YBX1: variants seen among roughly 807,000 people sequenced by gnomAD.
YBX1 encodes the protein Y-box binding protein 1.
Under a neutral mutation model 41.4 loss-of-function variants are expected in YBX1, and 3 were observed. The observed-to-expected ratio is 0.07, with a 90% CI of 0.03 to 0.19. YBX1 has a LOEUF of 0.19. Among genes scored for constraint, YBX1 ranks in the 10% least tolerant of loss-of-function variants. The pLI is 1.00. For synonymous variants in YBX1, 133 were observed against 165.8 expected, an observed-to-expected ratio of 0.80 and a Z score of 1.52; for missense variants, 274 against 462.8, an observed-to-expected ratio of 0.59 and a Z score of 3.74.
intron 3 of YBX1, 103 bp downstream of exon 3, chr1:42,693,626 C>A (rs567412164): frequency 5.7e-6 from 7 of 1,225,056 alleles, no homozygotes; most frequent in African/African-American, 1.5e-5. Flanking sequence ...TTAAGTCCAA[C>A]CACCAGTTTA....
intron 2 of YBX1, among the ~76,000 whole-genome samples, chr1:42,684,673 CTTG>C (rs1490765313): frequency 6.6e-6 from 1 of 152,124 alleles, no homozygotes; most frequent in Non-Finnish European, 1.5e-5. Flanking sequence ...GATTTTCCAT[CTTG>C]TTATATACTG....
At chr1:42,699,631 T>A (rs891308078) in intron 6 of YBX1, among the ~76,000 whole-genome samples, 5 of 151,786 alleles carry the variant, frequency 3.3e-5, no homozygotes, top group South Asian at 2.1e-4. Context: ...TTTTTTTTTT[T>A]AAATTGTTTT....
In YBX1 at chr1:42,682,603, C is replaced by A; in HGVS notation, c.38C>A (p.Ala13Asp). ...SEAETQQPPAAPPAAPALSAA... is the reference protein window; with the variant it reads ...SEAETQQPPADPPAAPALSAA... ...GCCGAGACCCAGCAGCCGCCCGCCG[C>A]CCCCCCCGCCGCCCCCGCCCTCAGC... The change falls in exon 1 of 8, where the codon GCC becomes GAC. Residue 13 changes from alanine to aspartate, a missense_variant. By Grantham distance (126) the Ala-to-Asp change is moderately radical (BLOSUM62 -2). Around this residue, in one of 3 missense-constraint regions of YBX1, gnomAD observed 84 missense variants for 130.8 expected, o/e 0.64. Coordinates refer to ENST00000321358, the MANE Select transcript of YBX1 (RefSeq NM_004559.5). 3 of 1,427,944 alleles carry A rather than the reference C, an allele frequency of 2.1e-6. No individual in the cohort carries two copies. The highest frequency in any genetic ancestry group is 2.7e-6 in the Non-Finnish European group (3 of 1,092,510). 88.5% of individuals were successfully genotyped at this position (1,427,944 alleles called of 1,614,324 possible). A position where few individuals can be genotyped will look rare whatever the true frequency, so the allele number is the denominator to read the frequency against.
At chr1:42,694,521 T>C (rs1650413600) in intron 3 of YBX1, among the ~76,000 whole-genome samples, 2 of 152,180 alleles carry the variant, frequency 1.3e-5, no homozygotes, top group African/African-American at 2.4e-5. Context: ...TTAATATCCA[T>C]ACTCACATTT....
At chr1:42,684,374 G>A (rs1422132369) in intron 2 of YBX1, among the ~76,000 whole-genome samples, 1 of 152,224 alleles carries the variant, frequency 6.6e-6, no homozygotes, top group Non-Finnish European at 1.5e-5. Flanking sequence ...AGAGCACTGG[G>A]TATGCCAGTA....
chr1:42,687,237 C>CTT (rs142682132), intron 2 of YBX1, among the ~76,000 whole-genome samples: 1 of 148,998 alleles, frequency 6.7e-6, no homozygotes, highest in African/African-American at 2.5e-5. Context: ...CTCCCTTAAT[C>CTT]TTTTTTTTTT....
At chr1:42,683,087 C>G (rs752394283) in intron 1 of YBX1, 1 of 531,220 alleles carries the variant, frequency 1.9e-6, no homozygotes, top group South Asian at 1.6e-5. Context: ...TCCGCGTGTG[C>G]TCGGAGGGCG....
At chr1:42,697,326 A>G (rs552548270) in intron 6 of YBX1, 64 bp downstream of exon 6, 2 of 1,503,742 alleles carry the variant, frequency 1.3e-6, no homozygotes, top group South Asian at 2.4e-5. Flanking sequence ...ACTCAGCAAT[A>G]TCATGCCTCT....
chr1:42,696,201 T>C lies in YBX1; in HGVS notation c.267T>C (p.Thr89=), dbSNP rs748497145. 1.9e-6 allele frequency: 3 copies of C among 1,606,736 alleles called. No individual in the cohort carries two copies. Among genetic ancestry groups the C allele is most frequent in the South Asian group, 1.1e-5 (1 of 89,988 alleles). ...DTKEDVFVHQ[T]AIKKNNPRKY... ...TTTTTGGAATGTGATATTACTAGAC[T>C]GCCATAAAGAAGAATAACCCCAGGA... Residue 89 remains threonine (T), a splice_region_variant and synonymous_variant, in exon 4 of 8, where the codon ACT becomes ACC. Coordinates refer to ENST00000321358, the MANE Select transcript of YBX1 (RefSeq NM_004559.5). The surrounding 1 kb of genome is among the most constrained non-coding windows in gnomAD (Gnocchi z 5.7).
In YBX1 at chr1:42,703,024, T is replaced by G. The variant is rs1047779592; in HGVS notation, c.*1075T>G. Among the ~76,000 whole-genome samples the G allele has an allele frequency of 2.1e-4, 32 of 152,244 alleles. No homozygotes were observed. The highest frequency in any genetic ancestry group is 7.7e-4 in the African/African-American group (32 of 41,554). On this transcript the variant is annotated 3_prime_UTR_variant, in exon 8 of 8. Coordinates refer to ENST00000321358, the MANE Select transcript of YBX1 (RefSeq NM_004559.5). Reference sequence around the variant, plus strand: ...TCACTGCAACCTCCACCTCTAGGTTTAAGCGATTCTCCTGCCTCGGCCACC... The same window carrying G: ...TCACTGCAACCTCCACCTCTAGGTTGAAGCGATTCTCCTGCCTCGGCCACC...
chr1:42,683,202 C>T, intron 1 of YBX1: 1 of 702,392 alleles, frequency 1.4e-6, no homozygotes, highest in East Asian at 2.8e-5. Context: ...CCGGGCCTGC[C>T]CTGGAGCGCC....
At chr1:42,692,759 C>T (rs10493112) in intron 2 of YBX1, among the ~76,000 whole-genome samples, 14 of 152,158 alleles carry the variant, frequency 9.2e-5, no homozygotes, top group African/African-American at 3.1e-4. Context: ...TCTTGCTCCT[C>T]GTGTTATCAC....
In YBX1 at chr1:42,702,701, C is replaced by T. The variant is rs1557537306; in HGVS notation, c.*752C>T. On this transcript the variant is annotated 3_prime_UTR_variant, in exon 8 of 8. Coordinates refer to ENST00000321358, the MANE Select transcript of YBX1 (RefSeq NM_004559.5). ...CTCATCCTGCTCCACTTAGTTTTGTCACCTTGGGAGAATTTGTTTCAGTGT... is the reference window on the plus strand; with the variant it reads ...CTCATCCTGCTCCACTTAGTTTTGTTACCTTGGGAGAATTTGTTTCAGTGT... 6.6e-6 allele frequency among the ~76,000 whole-genome samples: 1 copy of T among 152,164 alleles called. No individual in the cohort carries two copies. The highest frequency in any genetic ancestry group is 1.5e-5 in the Non-Finnish European group (1 of 68,018).
chr1:42,682,798 C>T, intron 1 of YBX1, 67 bp downstream of exon 1: 1 of 1,097,708 alleles, frequency 9.1e-7, no homozygotes, highest in Non-Finnish European at 1.1e-6. Flanking sequence ...TTAGCCGGAG[C>T]TGGGCGAGCC....
Position 42,700,838 on chromosome 1 carries a change from T to A in YBX1, c.798T>A (p.Asn266Lys). The A allele has an allele frequency of 2.5e-6, 4 of 1,612,594 alleles. No homozygotes were observed. The highest frequency in any genetic ancestry group is 3.4e-6 in the Non-Finnish European group (4 of 1,179,752). Residue 266 changes from asparagine to lysine, a missense_variant, in exon 7 of 8, where the codon AAT becomes AAA. By Grantham distance (94) the Asn-to-Lys change is moderately conservative. Coordinates refer to ENST00000321358, the MANE Select transcript of YBX1 (RefSeq NM_004559.5). The stretch of plus-strand genomic sequence containing the variant: ...ACGGCAATGAAGAAGATAAAGAAAA[T>A]CAAGGAGATGAGACCCAAGGTCAGC... ...REDGNEEDKE[N>K]QGDETQGQQP... is the part of the protein sequence containing the mutation.
At chr1:42,694,488 C>T (rs1279266212) in intron 3 of YBX1, among the ~76,000 whole-genome samples, 2 of 152,058 alleles carry the variant, frequency 1.3e-5, no homozygotes, top group African/African-American at 4.8e-5. Context: ...GTACTATAAT[C>T]CAGAAATCAA....
Position 42,691,628 on chromosome 1 carries a change from A to C in YBX1, c.231-1862A>C, listed in dbSNP as rs1650332506. Among the ~76,000 whole-genome samples, 3 of 152,360 alleles carry C rather than the reference A, an allele frequency of 2.0e-5. 1 individual carries two copies. In the South Asian group the frequency reaches 6.2e-4, roughly 32 times the overall value. On this transcript the variant is annotated intron_variant, in intron 2 of 7. Coordinates refer to ENST00000321358, the MANE Select transcript of YBX1 (RefSeq NM_004559.5). ...CACCACAAAATGGATTGATAAAGAA[A>C]TGATGTATTACCCAGATACCATGAG... is the stretch of plus-strand genomic sequence containing the variant.
chr1:42,686,006 ATTC>A (rs1446631846), intron 2 of YBX1, among the ~76,000 whole-genome samples: 1 of 152,206 alleles, frequency 6.6e-6, no homozygotes, highest in Non-Finnish European at 1.5e-5. Flanking sequence ...TCATTGAGTT[ATTC>A]TTTTGTGAAC....
rs1650626674 is a variant in YBX1, at chr1:42,702,401, A to AT, written c.*455dup. 2 of 152,630 alleles carry AT rather than the reference A, an allele frequency of 1.3e-5. No individual in the cohort carries two copies. Among genetic ancestry groups the AT allele is most frequent in the African/African-American group, 2.4e-5 (1 of 41,448 alleles). The allele number at this position is 152,630 out of a possible 1,614,324, so 9.5% of individuals were successfully genotyped here. ...TGCTTTAGTTTGTAAGTATTTAGCT[A>AT]TTTATAGGACCCTTAGCTTGACCCA... is the stretch of plus-strand genomic sequence containing the variant. On this transcript the variant is annotated 3_prime_UTR_variant, in exon 8 of 8. Coordinates refer to ENST00000321358, the MANE Select transcript of YBX1 (RefSeq NM_004559.5).
Sources: allele counts gnomAD v4.1 joint callset (sites outside exome capture counted in the v4.1 genomes callset), GRCh38; gene constraint gnomAD v4.1.1; regional missense constraint gnomAD v4.1.1; non-coding constraint Gnocchi (gnomAD v3.1); transcripts MANE v1.5; gene names NCBI Gene and HGNC (gene_info 2026-07-23, HGNC 2026-07-21).